The following ZNF845 variants were observed in gnomAD, a reference collection of about 807,000 sequenced individuals.
ZNF845 encodes the protein zinc finger protein 845.
Under a neutral mutation model 76.1 loss-of-function variants are expected in ZNF845, and 59 were observed. That is an observed-to-expected ratio of 0.78 (90% confidence interval 0.63 to 0.96). ZNF845 has a LOEUF of 0.96. Ranked by LOEUF, ZNF845 falls within the 40% of genes least tolerant of loss-of-function variation. The probability of loss-of-function intolerance (pLI) is 0.00; values close to 1 mark genes in which losing one functional copy is unlikely to be tolerated. For synonymous variants in ZNF845, 361 were observed against 386.9 expected, an observed-to-expected ratio of 0.93 and a Z score of 0.78; for missense variants, 1,045 against 1,172.8, an observed-to-expected ratio of 0.89 and a Z score of 1.59.
chr19:53,352,834 A>G lies in ZNF845; in HGVS notation c.2159A>G (p.Lys720Arg). 6.2e-7 allele frequency: 1 copy of G among 1,613,994 alleles called. No individual in the cohort carries two copies. Among genetic ancestry groups the G allele is most frequent in the Non-Finnish European group, 8.5e-7 (1 of 1,179,990 alleles). ...KAIHTGEKPY[K>R]CNECGKAFSQ... ...ATTCATACTGGAGAGAAACCTTACA[A>G]GTGTAATGAGTGTGGCAAGGCCTTC... is the stretch of plus-strand genomic sequence containing the variant. Residue 720 changes from lysine to arginine, a missense_variant, in exon 4 of 4, where the codon AAG becomes AGG. Lys to Arg is a conservative substitution (Grantham distance 26, BLOSUM62 2). Coordinates refer to ENST00000458035, the MANE Select transcript of ZNF845 (RefSeq NM_138374.3).
Position 53,355,728 on chromosome 19 carries a change from C to T in ZNF845, c.*2140C>T, listed in dbSNP as rs1599995683. 6.6e-6 allele frequency: 1 copy of T among 152,252 alleles called. No homozygotes were observed. Among genetic ancestry groups the T allele is most frequent in the African/African-American group, 2.4e-5 (1 of 41,552 alleles). The allele number at this position is 152,252 out of a possible 1,614,324, so 9.4% of individuals were successfully genotyped here. ...AGAGCATTCTTGCATCATGTGATAT[C>T]CTACAGGAAAACCATTCCATTTTCC... On this transcript the variant is annotated 3_prime_UTR_variant, in exon 4 of 4. Transcript: ENST00000458035.
intron 3 of ZNF845, among the ~76,000 whole-genome samples, chr19:53,350,323 T>A (rs1037899266): frequency 2.0e-5 from 3 of 152,150 alleles, no homozygotes; most frequent in Non-Finnish European, 4.4e-5. Flanking sequence ...TTTCTTATCT[T>A]CTCAGTGCTA....
chr19:53,346,367 G>A (rs1171943737), intron 3 of ZNF845: 3 of 295,732 alleles, frequency 1.0e-5, no homozygotes, highest in Admixed American at 4.0e-5. Context: ...TTGGCTCACC[G>A]CAGCCGGCTT....
At position 53,352,735 on chromosome 19, in the gene ZNF845, G is replaced by A. The variant is rs757923688; in HGVS notation, c.2060G>A (p.Gly687Glu). 1.2e-6 allele frequency: 2 copies of A among 1,614,174 alleles called. No individual in the cohort carries two copies. The highest frequency in any genetic ancestry group is 2.2e-5 in the South Asian group (2 of 91,076). ...YLTCHRRLHT[G>E]EKPYKCNECG... ...ACATGCCATCGTAGACTTCATACTG[G>A]AGAGAAACCTTACAAGTGTAATGAG... The change falls in exon 4 of 4, where the codon GGA becomes GAA. Residue 687 changes from glycine (G) to glutamate (E), a missense_variant. Coordinates refer to ENST00000458035, the MANE Select transcript of ZNF845 (RefSeq NM_138374.3).
At position 53,351,279 on chromosome 19, in the gene ZNF845, C is replaced by G. The variant is rs753857286; in HGVS notation, c.604C>G (p.Leu202Val). The change falls in exon 4 of 4, where the codon CTC (leucine) becomes GTC (valine). Residue 202 changes from leucine to valine, a missense_variant. Leu to Val is a conservative substitution (Grantham distance 32, BLOSUM62 1). Transcript: ENST00000458035. ...GAATAATTTCCTGAATTCTTCATTA[C>G]TCACACAAAAGCAGGAAGTACACAT... is the stretch of plus-strand genomic sequence containing the variant. ...YGNNFLNSSL[L>V]TQKQEVHMRE... is the part of the protein sequence containing the mutation. 2.5e-6 allele frequency: 4 copies of G among 1,614,104 alleles called. No homozygotes were observed. The Admixed American group carries it at 5.0e-5, about 20-fold the overall frequency.
chr19:53,352,723 G>C lies in ZNF845; in HGVS notation c.2048G>C (p.Arg683Thr). 1.2e-6 allele frequency: 2 copies of C among 1,614,074 alleles called. No homozygotes were observed. Among genetic ancestry groups the C allele is most frequent in the Non-Finnish European group, 1.7e-6 (2 of 1,179,976 alleles). Reference sequence around the variant, plus strand: ...AAGTCATACCTTACATGCCATCGTAGACTTCATACTGGAGAGAAACCTTAC... The same window carrying C: ...AAGTCATACCTTACATGCCATCGTACACTTCATACTGGAGAGAAACCTTAC... ...SRKSYLTCHRRLHTGEKPYKC... is the reference protein window; with the variant it reads ...SRKSYLTCHRTLHTGEKPYKC... The change falls in exon 4 of 4, where the codon AGA becomes ACA. Residue 683 changes from arginine to threonine, a missense_variant. Coordinates refer to ENST00000458035, the MANE Select transcript of ZNF845 (RefSeq NM_138374.3).
At position 53,352,930 on chromosome 19, in the gene ZNF845, G is replaced by T; in HGVS notation, c.2255G>T (p.Cys752Phe). 6.2e-7 allele frequency: 1 copy of T among 1,614,112 alleles called. No homozygotes were observed. Among genetic ancestry groups the T allele is most frequent in the Non-Finnish European group, 8.5e-7 (1 of 1,180,012 alleles). The change falls in exon 4 of 4, where the codon TGT becomes TTT. Residue 752 changes from cysteine to phenylalanine, a missense_variant. Coordinates refer to ENST00000458035, the MANE Select transcript of ZNF845 (RefSeq NM_138374.3). The stretch of plus-strand genomic sequence containing the variant: ...GAGAAACCTTACAAATGTGAAGAAT[G>T]TGACAAAGTTTTCAGTCGCAAATCA... ...TGEKPYKCEE[C>F]DKVFSRKSSL...
chr19:53,348,500 T>G (rs2147042597), intron 3 of ZNF845, among the ~76,000 whole-genome samples: 1 of 152,290 alleles, frequency 6.6e-6, no homozygotes, highest in South Asian at 2.1e-4. Context: ...GCACTAGTCC[T>G]ATTCATGAGT....
intron 3 of ZNF845, among the ~76,000 whole-genome samples, 169 bp downstream of exon 3, chr19:53,345,801 G>A (rs532598972): frequency 6.6e-6 from 1 of 151,682 alleles, no homozygotes; most frequent in South Asian, 2.1e-4. Context: ...TCCCACCTCA[G>A]CCTCCCCCAG....
chr19:53,337,140 T>C (rs2085221113), intron 1 of ZNF845: 1 of 456,832 alleles, frequency 2.2e-6, no homozygotes. Context: ...GCCCCAGTCA[T>C]ATTTGCTTTT....
intron 1 of ZNF845, among the ~76,000 whole-genome samples, chr19:53,339,156 A>T (rs1002013515): frequency 5.3e-5 from 8 of 151,998 alleles, no homozygotes; most frequent in Non-Finnish European, 1.2e-4. Flanking sequence ...TTTTTTCCAC[A>T]AAGAGGGGCC....
intron 2 of ZNF845, among the ~76,000 whole-genome samples, 155 bp from the exon 3 acceptor site, chr19:53,345,351 A>T (rs2085287031): frequency 2.0e-5 from 3 of 152,186 alleles, no homozygotes; most frequent in South Asian, 2.1e-4. Flanking sequence ...ATAAAACACA[A>T]CTCAGAAGAC....
chr19:53,353,559 C>A lies in ZNF845; in HGVS notation c.2884C>A (p.His962Asn). ...TCGAAAAGCAAAACTTGCACGTCAT[C>A]ATAGAATTCATACTGGAAAGAAACA... Reference protein sequence around the residue: ...FNRKAKLARHHRIHTGKKH With the variant: ...FNRKAKLARHNRIHTGKKH Residue 962 changes from histidine (H) to asparagine (N), a missense_variant, in exon 4 of 4, where the codon CAT (histidine) becomes AAT (asparagine). Transcript: ENST00000458035. The A allele has an allele frequency of 6.2e-7, 1 of 1,603,828 alleles. No homozygotes were observed. The highest frequency in any genetic ancestry group is 1.1e-5 in the South Asian group (1 of 89,752).
rs2085387255 is a variant in ZNF845, at chr19:53,356,567, C to T, written c.*2979C>T. 1 of 150,706 alleles carries T rather than the reference C, an allele frequency of 6.6e-6. No individual in the cohort carries two copies. The highest frequency in any genetic ancestry group is 1.5e-5 in the Non-Finnish European group (1 of 67,710). 9.3% of individuals were successfully genotyped at this position (150,706 alleles called of 1,614,324 possible). A position where few individuals can be genotyped will look rare whatever the true frequency, so the allele number is the denominator to read the frequency against. The stretch of plus-strand genomic sequence containing the variant: ...AAGCAAATAAATGAGAGGCATAATT[C>T]CTCCTTTGAGAATAAAGGAAAAGAT... On this transcript the variant is annotated 3_prime_UTR_variant, in exon 4 of 4. Coordinates refer to ENST00000458035, the MANE Select transcript of ZNF845 (RefSeq NM_138374.3).
rs1467539700 is a variant in ZNF845, at chr19:53,352,429, A to T, written c.1754A>T (p.His585Leu). The part of the protein sequence containing the change: ...IGKLYKCNDC[H>L]QVFSNATTIA... ...AAACTTTACAAATGTAATGATTGTC[A>T]CCAAGTCTTTAGTAATGCTACAACC... is the stretch of plus-strand genomic sequence containing the variant. Residue 585 changes from histidine (H) to leucine (L), a missense_variant, in exon 4 of 4, where the codon CAC becomes CTC. Transcript: ENST00000458035. The T allele has an allele frequency of 6.2e-7, 1 of 1,613,940 alleles. No individual in the cohort carries two copies. Among genetic ancestry groups the T allele is most frequent in the South Asian group, 1.1e-5 (1 of 91,064 alleles).
chr19:53,352,466 T>C lies in ZNF845; in HGVS notation c.1791T>C (p.His597=). Reference sequence around the variant, plus strand: ...GTAATGCTACAACCATTGCAAATCATTGGAGAATCCATAATGAAGAGAGAT... The same window carrying C: ...GTAATGCTACAACCATTGCAAATCACTGGAGAATCCATAATGAAGAGAGAT... The part of the protein sequence containing the change: ...VFSNATTIAN[H]WRIHNEERSY... The change falls in exon 4 of 4, where the codon CAT becomes CAC. Residue 597 remains histidine, a synonymous_variant. Coordinates refer to ENST00000458035, the MANE Select transcript of ZNF845 (RefSeq NM_138374.3). The C allele has an allele frequency of 6.2e-7, 1 of 1,613,588 alleles. No individual in the cohort carries two copies. Among genetic ancestry groups the C allele is most frequent in the South Asian group, 1.1e-5 (1 of 91,036 alleles).
rs1472423230 is a variant in ZNF845 at position 53,353,245 on chromosome 19, AACCTT to A, written c.2573_2577del (p.Pro858GlnfsTer3). 4 of 1,613,904 alleles carry A rather than the reference AACCTT, an allele frequency of 2.5e-6. No individual in the cohort carries two copies. The highest frequency in any genetic ancestry group is 3.4e-6 in the Non-Finnish European group (4 of 1,179,866). Reference sequence around the variant, plus strand: ...CATAAGGCAATTCATACTGGAGAAAAACCTTACAAGTGTAGTGAATGTGGCAAGGT... The same window carrying A: ...CATAAGGCAATTCATACTGGAGAAAAACAAGTGTAGTGAATGTGGCAAGGT... On this transcript the variant is annotated frameshift_variant, in exon 4 of 4. Coordinates refer to ENST00000458035, the MANE Select transcript of ZNF845 (RefSeq NM_138374.3). LOFTEE classifies it high-confidence loss of function.
chr19:53,335,698 T>C (rs1159704140), intron 1 of ZNF845, among the ~76,000 whole-genome samples: 1 of 152,038 alleles, frequency 6.6e-6, no homozygotes, highest in East Asian at 1.9e-4. Flanking sequence ...GCTTCCCAGG[T>C]TCAGACTGAT....
rs1279719479 is a variant in ZNF845, at chr19:53,351,905, T to C, written c.1230T>C (p.Pro410=). The change falls in exon 4 of 4, where the codon CCT becomes CCC. Residue 410 remains proline, a synonymous_variant. Coordinates refer to ENST00000458035, the MANE Select transcript of ZNF845 (RefSeq NM_138374.3). ...RHRRLHTGEK[P]YKCNDCGKTF... is the part of the protein sequence containing the mutation. ...GTAGACTTCATACTGGAGAGAAACC[T>C]TATAAGTGTAATGATTGTGGCAAGA... The C allele has an allele frequency of 2.5e-6, 4 of 1,613,536 alleles. No homozygotes were observed. The highest frequency in any genetic ancestry group is 2.7e-5 in the African/African-American group (2 of 74,740).
Sources: allele counts gnomAD v4.1 joint callset (sites outside exome capture counted in the v4.1 genomes callset), GRCh38; gene constraint gnomAD v4.1.1; transcripts MANE v1.5; gene names NCBI Gene and HGNC (gene_info 2026-07-23, HGNC 2026-07-21).